The following SRD5A2 variants were observed in gnomAD, a reference collection of about 807,000 sequenced individuals.
SRD5A2 encodes the protein 3-oxo-5-alpha-steroid 4-dehydrogenase 2.
Under a neutral mutation model 27.4 loss-of-function variants are expected in SRD5A2, and 30 were observed. The observed-to-expected ratio is 1.10, with a 90% CI of 0.82 to 1.49. The LOEUF (loss-of-function observed/expected upper bound fraction) is 1.49, where lower values mean the gene tolerates loss of function less well. SRD5A2 is among the 40% of genes most tolerant of loss of function. SRD5A2 has a pLI of 0.00. For missense variants in SRD5A2, 348 were observed against 323.4 expected, an observed-to-expected ratio of 1.08 and a Z score of -0.58; for synonymous variants, 141 against 133.6, an observed-to-expected ratio of 1.06 and a Z score of -0.38.
chr2:31,644,515 T>A, the SRD5A2 span, among the ~76,000 whole-genome samples: 2 of 152,196 alleles, frequency 1.3e-5, no homozygotes, highest in African/African-American at 4.8e-5. Context: ...ATCCCTCGCA[T>A]GTGCAGTTCA....
At chr2:31,657,078 T>C in the SRD5A2 span, among the ~76,000 whole-genome samples, 3 of 152,172 alleles carry the variant, frequency 2.0e-5, no homozygotes, top group Non-Finnish European at 2.9e-5. Flanking sequence ...CAACTAAATA[T>C]GGTATAGTAT....
the SRD5A2 span, among the ~76,000 whole-genome samples, chr2:31,596,151 C>G: frequency 6.6e-6 from 1 of 152,094 alleles, no homozygotes; most frequent in East Asian, 1.9e-4. Context: ...GTGCTCACGC[C>G]TGTAATCTCA....
At chr2:31,659,439 T>C in the SRD5A2 span, among the ~76,000 whole-genome samples, 1 of 152,078 alleles carries the variant, frequency 6.6e-6, no homozygotes, top group Non-Finnish European at 1.5e-5. Flanking sequence ...AACCTCATAG[T>C]CTCTGCCTAA....
At chr2:31,587,396 A>G in the SRD5A2 span, among the ~76,000 whole-genome samples, 2 of 152,222 alleles carry the variant, frequency 1.3e-5, no homozygotes, top group Admixed American at 1.3e-4. Context: ...CAGCAATCCC[A>G]TTACTGGGTA....
At chr2:31,601,112 T>C in the SRD5A2 span, among the ~76,000 whole-genome samples, 1 of 151,942 alleles carries the variant, frequency 6.6e-6, no homozygotes, top group Non-Finnish European at 1.5e-5. Context: ...TGAAAAATCC[T>C]TCAAAAAATC....
the SRD5A2 span, among the ~76,000 whole-genome samples, chr2:31,603,825 C>T: frequency 6.6e-6 from 1 of 151,898 alleles, no homozygotes; most frequent in South Asian, 2.1e-4. Flanking sequence ...CTCTCACTTA[C>T]ATGTGGGAAC....
chr2:31,597,322 G>T, the SRD5A2 span, among the ~76,000 whole-genome samples: 1 of 151,788 alleles, frequency 6.6e-6, no homozygotes, highest in Non-Finnish European at 1.5e-5. Flanking sequence ...AAATTCAACT[G>T]AAGATGGATC....
At chr2:31,536,672 T>C (rs1666032677) in intron 1 of SRD5A2, among the ~76,000 whole-genome samples, 1 of 152,196 alleles carries the variant, frequency 6.6e-6, no homozygotes. Context: ...AACTTTGCTA[T>C]TGGAAAGCTG....
the SRD5A2 span, among the ~76,000 whole-genome samples, chr2:31,621,002 G>C: frequency 7.5e-4 from 110 of 146,534 alleles, 1 homozygote; most frequent in African/African-American, 2.1e-3. Flanking sequence ...TAATTTTTAA[G>C]GGTCAGATAG....
intron 1 of SRD5A2, among the ~76,000 whole-genome samples, chr2:31,566,406 G>T (rs1304033286): frequency 6.6e-6 from 1 of 152,026 alleles, no homozygotes; most frequent in Admixed American, 6.5e-5. Flanking sequence ...GAAACTCAAT[G>T]AAATAAAAAT....
Position 31,526,002 on chromosome 2 carries a change from G to A in SRD5A2, c.*194C>T, listed in dbSNP as rs1340096685. 2.0e-6 allele frequency: 1 copy of A among 495,240 alleles called. No individual in the cohort carries two copies. Among genetic ancestry groups the A allele is most frequent in the East Asian group, 3.0e-5 (1 of 33,214 alleles). 30.7% of individuals were successfully genotyped at this position (495,240 alleles called of 1,614,324 possible). ...TTTTGAAGCTTCAGTTGGGGATCAG[G>A]ATAGGGGTCCCTGGAAGGGTAGGAG... On this transcript the variant is annotated 3_prime_UTR_variant, in exon 5 of 5. Coordinates refer to ENST00000622030, the MANE Select transcript of SRD5A2 (RefSeq NM_000348.4).
the SRD5A2 span, among the ~76,000 whole-genome samples, chr2:31,601,337 G>C: frequency 6.6e-6 from 1 of 151,816 alleles, no homozygotes. Context: ...AAAAAGTCAT[G>C]GACACATACA....
chr2:31,561,788 C>T lies in SRD5A2; in HGVS notation c.281+18832G>A, dbSNP rs371314305. ...CCATAGGCATGCTACTGACCACTGGCTCCATTTTAAAAAAATTTTTAATAC... is the reference window on the plus strand; with the variant it reads ...CCATAGGCATGCTACTGACCACTGGTTCCATTTTAAAAAAATTTTTAATAC... On this transcript the variant is annotated intron_variant, in intron 1 of 4. Coordinates refer to ENST00000622030, the MANE Select transcript of SRD5A2 (RefSeq NM_000348.4). Among the ~76,000 whole-genome samples the T allele has an allele frequency of 1.2e-4, 18 of 152,236 alleles. No individual in the cohort carries two copies. In the East Asian group the frequency reaches 2.7e-3, roughly 23 times the overall value.
At position 31,524,800 on chromosome 2, in the gene SRD5A2, T is replaced by A. The variant is rs1665736695; in HGVS notation, c.*1396A>T. ...GCAAACATAGGCCTGAGAAGACAAA[T>A]ATTTCCATGTATTCCAATTACAAGC... On this transcript the variant is annotated 3_prime_UTR_variant, in exon 5 of 5. Transcript: ENST00000622030. 4.4e-6 allele frequency: 1 copy of A among 227,484 alleles called. No individual in the cohort carries two copies. The highest frequency in any genetic ancestry group is 6.3e-5 in the East Asian group (1 of 15,906). The allele number at this position is 227,484 out of a possible 1,614,324, so 14.1% of individuals were successfully genotyped here. A position where few individuals can be genotyped will look rare whatever the true frequency, so the allele number is the denominator to read the frequency against.
chr2:31,594,313 T>A, the SRD5A2 span, among the ~76,000 whole-genome samples: 3 of 152,034 alleles, frequency 2.0e-5, no homozygotes, highest in African/African-American at 7.2e-5. Flanking sequence ...AGACTCACCA[T>A]ACACATAAAG....
chr2:31,656,910 T>C, the SRD5A2 span, among the ~76,000 whole-genome samples: 1 of 152,176 alleles, frequency 6.6e-6, no homozygotes, highest in African/African-American at 2.4e-5. Flanking sequence ...AGCCCCAGTA[T>C]AATCATGGGG....
the SRD5A2 span, among the ~76,000 whole-genome samples, chr2:31,590,242 C>T: frequency 4.6e-5 from 7 of 151,322 alleles, no homozygotes; most frequent in African/African-American, 9.7e-5. Context: ...TCTATGGCCC[C>T]GCTCATCACC....
chr2:31,624,418 A>T, the SRD5A2 span, among the ~76,000 whole-genome samples: 1 of 151,632 alleles, frequency 6.6e-6, no homozygotes, highest in Non-Finnish European at 1.5e-5. Flanking sequence ...CAACATGCAG[A>T]TTTGTTACAT....
intron 1 of SRD5A2, among the ~76,000 whole-genome samples, chr2:31,552,445 C>T (rs980036169): frequency 2.6e-5 from 4 of 151,928 alleles, no homozygotes; most frequent in African/African-American, 9.7e-5. Flanking sequence ...CCACATGGAA[C>T]ATTGACAGTA....
Sources: allele counts gnomAD v4.1 joint callset (sites outside exome capture counted in the v4.1 genomes callset), GRCh38; gene constraint gnomAD v4.1.1; transcripts MANE v1.5; gene names NCBI Gene and HGNC (gene_info 2026-07-23, HGNC 2026-07-21).